Variants in ALG1 observed in about 807,000 individuals in gnomAD.
The protein encoded by ALG1 is chitobiosyldiphosphodolichol beta-mannosyltransferase.
A neutral mutation model predicts 55.1 loss-of-function variants in ALG1; 58 were observed. The observed-to-expected ratio is 1.05, with a 90% CI of 0.85 to 1.31. ALG1 has a LOEUF of 1.31. Among genes scored for constraint, ALG1 ranks in the 50% most tolerant of loss-of-function variants. The probability of loss-of-function intolerance (pLI) is 0.00; values close to 1 mark genes in which losing one functional copy is unlikely to be tolerated. For synonymous variants in ALG1, 309 were observed against 247.0 expected, an observed-to-expected ratio of 1.25 and a Z score of -2.35; for missense variants, 761 against 598.6, an observed-to-expected ratio of 1.27 and a Z score of -2.83.
chr16:5,084,673 T>G lies in ALG1; in HGVS notation c.1264-77T>G. 1.9e-6 allele frequency: 3 copies of G among 1,592,708 alleles called. No individual in the cohort carries two copies. The South Asian group carries it at 3.3e-5, about 18-fold the overall frequency. On this transcript the variant is annotated intron_variant, in intron 12 of 12. Coordinates refer to ENST00000262374, the MANE Select transcript of ALG1 (RefSeq NM_019109.5). ...AGGGGTTGTTGTTGGGTCGGGGACC[T>G]GGGGTCAGCCAGGTGGTGACCTGGG...
chr16:5,081,051 T>C lies in ALG1; in HGVS notation c.1067T>C (p.Leu356Pro). 1.3e-6 allele frequency: 2 copies of C among 1,596,140 alleles called. No homozygotes were observed. Among genetic ancestry groups the C allele is most frequent in the Non-Finnish European group, 1.7e-6 (2 of 1,179,604 alleles). The change falls in exon 10 of 13, where the codon CTT (leucine) becomes CCT (proline). Residue 356 changes from leucine (L) to proline (P), a missense_variant. By Grantham distance (98) the Leu-to-Pro change is moderately conservative. Coordinates refer to ENST00000262374, the MANE Select transcript of ALG1 (RefSeq NM_019109.5). ...CTGGAGGCCGAGGACTACCCCCTGC[T>C]TCTAGGTGAGAGGCCAGCAGGAGGC... Reference protein sequence around the residue: ...PWLEAEDYPLLLGSADLGVCL... With the variant: ...PWLEAEDYPLPLGSADLGVCL...
In ALG1 at chr16:5,077,531, T is replaced by G. The variant is rs1596256204; in HGVS notation, c.626T>G (p.Ile209Ser). Reference protein sequence around the residue: ...MREDLADNWHIRAVTVYDKPA... With the variant: ...MREDLADNWHSRAVTVYDKPA... The stretch of plus-strand genomic sequence containing the variant: ...GAAGACCTGGCGGATAACTGGCACA[T>G]CAGGTACCATGGCCTGGGATGACGG... Residue 209 changes from isoleucine (I) to serine (S), a missense_variant, in exon 5 of 13, where the codon ATC becomes AGC. Coordinates refer to ENST00000262374, the MANE Select transcript of ALG1 (RefSeq NM_019109.5). The G allele has an allele frequency of 1.2e-6, 2 of 1,614,138 alleles. No homozygotes were observed. Among genetic ancestry groups the G allele is most frequent in the South Asian group, 1.1e-5 (1 of 91,082 alleles).
intron 2 of ALG1, 40 bp downstream of exon 2, chr16:5,073,068 G>T (rs2142701547): frequency 6.2e-7 from 1 of 1,611,724 alleles, no homozygotes; most frequent in African/African-American, 1.3e-5. Context: ...GAATCCATGG[G>T]CTGGGGGCAG....
rs113735063 is a variant in ALG1 at position 5,082,409 on chromosome 16, G to T, written c.1073-150G>T. On this transcript the variant is annotated intron_variant, in intron 10 of 12. Coordinates refer to ENST00000262374, the MANE Select transcript of ALG1 (RefSeq NM_019109.5). Reference sequence around the variant, plus strand: ...GATGTCCCAGCCAGGCTGTGTGGCTGCTTGGCCAGCTTAAGCCACTTGTGT... The same window carrying T: ...GATGTCCCAGCCAGGCTGTGTGGCTTCTTGGCCAGCTTAAGCCACTTGTGT... 5.1e-6 allele frequency: 4 copies of T among 785,366 alleles called. No homozygotes were observed. In the African/African-American group the frequency reaches 6.8e-5, roughly 13 times the overall value. 48.6% of individuals were successfully genotyped at this position (785,366 alleles called of 1,614,324 possible). A position where few individuals can be genotyped will look rare whatever the true frequency, so the allele number is the denominator to read the frequency against.
intron 10 of ALG1, 26 bp downstream of exon 10, chr16:5,081,082 GAGGA>G: frequency 6.7e-7 from 1 of 1,484,786 alleles, no homozygotes; most frequent in Admixed American, 1.7e-5. Context: ...GAGGCTCAGG[GAGGA>G]GGCGGGGGGA....
At chr16:5,076,754 G>A (rs942815076) in intron 4 of ALG1, among the ~76,000 whole-genome samples, 1 of 151,754 alleles carries the variant, frequency 6.6e-6, no homozygotes, top group African/African-American at 2.4e-5. Flanking sequence ...AGCACAGGGT[G>A]GCTGAGATCG....
rs1192191901 is a variant in ALG1, at chr16:5,085,988, C to T, written c.*1107C>T. On this transcript the variant is annotated 3_prime_UTR_variant, in exon 13 of 13. Transcript: ENST00000262374. ...CTCTCTGCCTGTGTCTGCCCCAGCA[C>T]TTGGCACAGCGGGACAGAAGCAGAG... Among the ~76,000 whole-genome samples, 1 of 152,208 alleles carries T rather than the reference C, an allele frequency of 6.6e-6. No homozygotes were observed. The highest frequency in any genetic ancestry group is 2.1e-4 in the South Asian group (1 of 4,830).
chr16:5,083,661 C>T (rs1257795782), intron 11 of ALG1, 21 bp from the exon 12 acceptor site: 15 of 1,600,752 alleles, frequency 9.4e-6, no homozygotes, highest in Non-Finnish European at 1.3e-5. Context: ...AGCTCTCAGG[C>T]TCCCTTGGTT....
intron 3 of ALG1, among the ~76,000 whole-genome samples, chr16:5,074,613 C>A (rs923276361): frequency 1.3e-5 from 2 of 152,114 alleles, no homozygotes; most frequent in African/African-American, 4.8e-5. Flanking sequence ...TGTATAAGTC[C>A]AGTTTCTTTC....
chr16:5,079,680 GTC>G (rs1956982277), intron 8 of ALG1, 66 bp from the exon 9 acceptor site: 2 of 1,523,542 alleles, frequency 1.3e-6, no homozygotes, highest in African/African-American at 2.8e-5. Flanking sequence ...CAGAGTGAGA[GTC>G]TGTCAGAAAA....
At chr16:5,075,939 C>T (rs565011740) in intron 4 of ALG1, among the ~76,000 whole-genome samples, 1 of 152,288 alleles carries the variant, frequency 6.6e-6, no homozygotes, top group South Asian at 2.1e-4. Context: ...CCTGTTGAGG[C>T]CAGGGGGCAA....
Position 5,073,073 on chromosome 16 carries a change from G to C in ALG1, c.286+45G>C, listed in dbSNP as rs747886587. ...AGAATCCTCTGAATCCATGGGCTGG[G>C]GGCAGGGGGTGTTCGTTTGAAAAGC... On this transcript the variant is annotated intron_variant, in intron 2 of 12. Transcript: ENST00000262374. The C allele has an allele frequency of 5.0e-6, 8 of 1,611,688 alleles. No individual in the cohort carries two copies. The South Asian group carries it at 5.5e-5, about 11-fold the overall frequency.
In ALG1 at chr16:5,084,785, G is replaced by A; in HGVS notation, c.1299G>A (p.Lys433=). 1 of 1,596,474 alleles carries A rather than the reference G, an allele frequency of 6.3e-7. No individual in the cohort carries two copies. Among genetic ancestry groups the A allele is most frequent in the African/African-American group, 1.3e-5 (1 of 74,988 alleles). Residue 433 remains lysine (K), a synonymous_variant, in exon 13 of 13, where the codon AAG becomes AAA. Transcript: ENST00000262374. Reference sequence around the variant, plus strand: ...CAAACTTTCCTGATCCTGCGGGCAAGCTAAACCAGTTCCGGAAGAACCTGC... The same window carrying A: ...CAAACTTTCCTGATCCTGCGGGCAAACTAAACCAGTTCCGGAAGAACCTGC... ...LFSNFPDPAG[K]LNQFRKNLRE...
At position 5,077,916 on chromosome 16, in the gene ALG1, C is replaced by T. The variant is rs753164786; in HGVS notation, c.639C>T (p.Thr213=). Residue 213 remains threonine, a synonymous_variant, in exon 6 of 13, where the codon ACC becomes ACT. Coordinates refer to ENST00000262374, the MANE Select transcript of ALG1 (RefSeq NM_019109.5). ...CATGATTTCATTGCAGGGCTGTGAC[C>T]GTCTACGACAAGCCCGCATCTTTCT... The part of the protein sequence containing the change: ...LADNWHIRAV[T]VYDKPASFFK... The T allele has an allele frequency of 2.6e-5, 42 of 1,608,086 alleles. No homozygotes were observed. The highest frequency in any genetic ancestry group is 1.0e-4 in the Admixed American group (6 of 59,996).
In ALG1 at chr16:5,086,991, A is replaced by T. The variant is rs553118679; in HGVS notation, c.*2110A>T. On this transcript the variant is annotated 3_prime_UTR_variant, in exon 13 of 13. Transcript: ENST00000262374. ...ACACTGTGACCCGGGACGATTTTCA[A>T]TCACAGTTTTTTGTTACGAGTGGAA... 1 of 152,180 alleles carries T rather than the reference A, an allele frequency of 6.6e-6. No individual in the cohort carries two copies. The highest frequency in any genetic ancestry group is 1.5e-5 in the Non-Finnish European group (1 of 68,032). The allele number at this position is 152,180 out of a possible 1,614,324, so 9.4% of individuals were successfully genotyped here.
intron 12 of ALG1, 79 bp from the exon 13 acceptor site, chr16:5,084,671 C>T: frequency 5.0e-6 from 8 of 1,592,052 alleles, no homozygotes; most frequent in Admixed American, 1.7e-5. Context: ...GGGTCGGGGA[C>T]CTGGGGTCAG....
intron 10 of ALG1, among the ~76,000 whole-genome samples, chr16:5,081,386 C>T (rs1261381253): frequency 2.0e-5 from 3 of 152,312 alleles, no homozygotes; most frequent in African/African-American, 7.2e-5. Context: ...GGTACGGGGA[C>T]GATGTGTCAA....
At position 5,079,089 on chromosome 16, in the gene ALG1, G is replaced by C; in HGVS notation, c.888G>C (p.Leu296=). 1 of 1,597,780 alleles carries C rather than the reference G, an allele frequency of 6.3e-7. No homozygotes were observed. Among genetic ancestry groups the C allele is most frequent in the Non-Finnish European group, 8.5e-7 (1 of 1,179,638 alleles). Residue 296 remains leucine (L), a synonymous_variant, in exon 8 of 13, where the codon CTG becomes CTC. Transcript: ENST00000262374. ...AGGACGAAGACTTCTCCATCCTGCTGGCAGCTTTAGAAAGTAGGTGTGTGG... is the reference window on the plus strand; with the variant it reads ...AGGACGAAGACTTCTCCATCCTGCTCGCAGCTTTAGAAAGTAGGTGTGTGG... ...WTEDEDFSIL[L]AALEKFEQLT...
In ALG1 at chr16:5,086,072, A is replaced by G. The variant is rs1957152456; in HGVS notation, c.*1191A>G. ...AGAAAGCGGCCGGGCACAGTGGCTC[A>G]TGCCTGTAATCCCAACACTTTGGGA... is the stretch of plus-strand genomic sequence containing the variant. On this transcript the variant is annotated 3_prime_UTR_variant, in exon 13 of 13. Coordinates refer to ENST00000262374, the MANE Select transcript of ALG1 (RefSeq NM_019109.5). Among the ~76,000 whole-genome samples, 1 of 152,238 alleles carries G rather than the reference A, an allele frequency of 6.6e-6. No homozygotes were observed. The highest frequency in any genetic ancestry group is 1.5e-5 in the Non-Finnish European group (1 of 68,032).
Sources: allele counts gnomAD v4.1 joint callset (sites outside exome capture counted in the v4.1 genomes callset), GRCh38; gene constraint gnomAD v4.1.1; transcripts MANE v1.5; gene names NCBI Gene and HGNC (gene_info 2026-07-23, HGNC 2026-07-21).